The following MAGI2 variants were observed in gnomAD, a reference collection of about 807,000 sequenced individuals.
MAGI2 encodes membrane associated guanylate kinase, WW and PDZ domain containing 2.
In MAGI2, 35 loss-of-function variants were observed where a neutral mutation model predicts 133.3. The ratio of observed to expected loss-of-function variants is 0.26; its 90% CI spans 0.20 to 0.35. The LOEUF is 0.35. Among genes scored for constraint, MAGI2 ranks in the 10% least tolerant of loss-of-function variants. The probability of loss-of-function intolerance (pLI) is 1.00; values close to 1 mark genes in which losing one functional copy is unlikely to be tolerated. For missense variants in MAGI2, 1,636 were observed against 1,863.4 expected, an observed-to-expected ratio of 0.88 and a Z score of 2.25; for synonymous variants, 729 against 710.6, an observed-to-expected ratio of 1.03 and a Z score of -0.41.
chr7:78,423,565 A>G (rs997299198), intron 6 of MAGI2, among the ~76,000 whole-genome samples: 1 of 152,120 alleles, frequency 6.6e-6, no homozygotes, highest in African/African-American at 2.4e-5. Context: ...AGTTTGGAGG[A>G]CTCAGAAGAA....
chr7:79,195,147 C>T (rs775114832), intron 1 of MAGI2, among the ~76,000 whole-genome samples: 34 of 151,888 alleles, frequency 2.2e-4, no homozygotes, highest in Non-Finnish European at 3.5e-4. Flanking sequence ...CACAAAGAGA[C>T]GATGTGGTCA....
intron 1 of MAGI2, among the ~76,000 whole-genome samples, chr7:79,084,161 T>C (rs1329854611): frequency 6.6e-6 from 1 of 151,708 alleles, no homozygotes; most frequent in African/African-American, 2.4e-5. Context: ...TTATTTGCAC[T>C]CTAATGTTCA....
At chr7:78,596,145 TGAAG>T (rs1301815895) in intron 3 of MAGI2, among the ~76,000 whole-genome samples, 18 of 93,080 alleles carry the variant, frequency 1.9e-4, no homozygotes, top group African/African-American at 6.1e-4. Context: ...AGGGAAAGAA[TGAAG>T]GAAGGAAGGG....
intron 3 of MAGI2, among the ~76,000 whole-genome samples, chr7:78,537,170 T>TACAC (rs3086437): frequency 0.2 from 29,794 of 146,118 alleles, 3,078 homozygotes; most frequent in African/African-American, 0.22. Flanking sequence ...AGTATTCCAC[T>TACAC]ACACACACAC....
intron 2 of MAGI2, among the ~76,000 whole-genome samples, chr7:78,708,367 T>C (rs188807804): frequency 4.1e-4 from 62 of 152,306 alleles, no homozygotes; most frequent in Admixed American, 1.9e-3. Flanking sequence ...AGGTTGCCAA[T>C]AAAATTCTCT....
At chr7:78,523,869 C>G (rs1184203923) in intron 3 of MAGI2, among the ~76,000 whole-genome samples, 1 of 151,992 alleles carries the variant, frequency 6.6e-6, no homozygotes, top group East Asian at 1.9e-4. Context: ...AGGGGAAAGG[C>G]CGAAAAACCA....
chr7:78,202,509 C>G (rs955772225), intron 10 of MAGI2, among the ~76,000 whole-genome samples: 2 of 151,614 alleles, frequency 1.3e-5, no homozygotes, highest in Non-Finnish European at 2.9e-5. Flanking sequence ...ATGGTGAAAC[C>G]CTGTCTCTGC....
At chr7:79,421,855 T>C (rs1846980440) in intron 1 of MAGI2, among the ~76,000 whole-genome samples, 1 of 152,094 alleles carries the variant, frequency 6.6e-6, no homozygotes, top group South Asian at 2.1e-4. Flanking sequence ...ATGTCATTTA[T>C]AAATTTTCAA....
intron 9 of MAGI2, among the ~76,000 whole-genome samples, chr7:78,274,953 T>A (rs549977934): frequency 2.6e-5 from 4 of 151,568 alleles, no homozygotes; most frequent in Non-Finnish European, 5.9e-5. Context: ...GGGGAGTGAA[T>A]GGTTCTGTCT....
intron 4 of MAGI2, among the ~76,000 whole-genome samples, chr7:78,509,123 A>G (rs1443152793): frequency 1.3e-5 from 2 of 150,632 alleles, no homozygotes; most frequent in Admixed American, 1.3e-4. Flanking sequence ...CGTTCAAACC[A>G]GAACAAGAAT....
chr7:78,462,301 G>C (rs768874137), intron 6 of MAGI2, among the ~76,000 whole-genome samples: 1 of 152,150 alleles, frequency 6.6e-6, no homozygotes, highest in Admixed American at 6.5e-5. Flanking sequence ...TGGAAACCAA[G>C]AGTGAAGGTG....
chr7:79,125,231 A>G (rs1820300389), intron 1 of MAGI2: 1 of 423,970 alleles, frequency 2.4e-6, no homozygotes, highest in Admixed American at 2.8e-5. Flanking sequence ...ATTCAGAAAT[A>G]TACCATACTG....
intron 3 of MAGI2, among the ~76,000 whole-genome samples, chr7:78,532,474 G>A (rs1284671674): frequency 6.6e-6 from 1 of 152,154 alleles, no homozygotes; most frequent in Non-Finnish European, 1.5e-5. Context: ...ATCCATCCCT[G>A]TTGGTGAATT....
At chr7:79,093,175 TAA>T (rs879816262) in intron 1 of MAGI2, among the ~76,000 whole-genome samples, 12 of 142,284 alleles carry the variant, frequency 8.4e-5, no homozygotes, top group Admixed American at 7.1e-5. Flanking sequence ...TCAGCTCTAT[TAA>T]AAAAAAAAAA....
At position 78,525,021 on chromosome 7, in the gene MAGI2, T is replaced by G. The variant is rs142775689; in HGVS notation, c.539-3376A>C. On this transcript the variant is annotated intron_variant, in intron 3 of 21. Coordinates refer to ENST00000354212, the MANE Select transcript of MAGI2 (RefSeq NM_012301.4). ...AAAAAAACCTTTTACTAATTAGACA[T>G]AAATGCATAGCACAGGCTAAAAATA... 4.9e-3 allele frequency among the ~76,000 whole-genome samples: 742 copies of G among 152,174 alleles called. 8 individuals carry two copies. Among genetic ancestry groups the G allele is most frequent in the African/African-American group, 0.017 (698 of 41,538 alleles).
intron 1 of MAGI2, among the ~76,000 whole-genome samples, chr7:79,227,595 CATATAA>C: frequency 6.6e-6 from 1 of 152,272 alleles, no homozygotes; most frequent in South Asian, 2.1e-4. Flanking sequence ...ACTGATGAAG[CATATAA>C]ATATAATGTC....
intron 2 of MAGI2, among the ~76,000 whole-genome samples, chr7:78,864,461 A>G (rs1446964441): frequency 6.6e-6 from 1 of 152,212 alleles, no homozygotes; most frequent in Non-Finnish European, 1.5e-5. Context: ...CTAGTCTTAT[A>G]AGAAGCACTT....
chr7:78,133,082 G>A (rs1821742728), intron 17 of MAGI2, 22 bp from the exon 18 acceptor site: 2 of 1,521,168 alleles, frequency 1.3e-6, no homozygotes, highest in East Asian at 2.3e-5. Context: ...AACCAAAGCG[G>A]CAGATGCAGT....
At chr7:78,601,020 CATAAAA>C (rs1216969390) in intron 3 of MAGI2, among the ~76,000 whole-genome samples, 2 of 152,042 alleles carry the variant, frequency 1.3e-5, no homozygotes, top group Admixed American at 6.6e-5. Flanking sequence ...ATTTTGTCAA[CATAAAA>C]ATAAAGTAAA....
Sources: gnomAD v4.1 joint callset for allele counts (sites outside exome capture counted in the v4.1 genomes callset) on GRCh38, gnomAD v4.1.1 for gene constraint, MANE v1.5 for transcripts, NCBI Gene and HGNC (gene_info 2026-07-23, HGNC 2026-07-21) for gene names.